Variants in LRRFIP2 observed in about 807,000 individuals in gnomAD.
LRRFIP2 encodes LRR binding FLII interacting protein 2.
A neutral mutation model predicts 125.9 loss-of-function variants in LRRFIP2; 109 were observed. The observed-to-expected ratio is 0.87, with a 90% CI of 0.74 to 1.01. The LOEUF is 1.01. LRRFIP2 is among the 50% of genes least tolerant of loss of function. The pLI, the probability that LRRFIP2 is intolerant of heterozygous loss-of-function variation, is 0.00. For synonymous variants in LRRFIP2, 291 were observed against 293.1 expected (o/e 0.99, Z 0.07); for missense variants, 850 against 862.3 (o/e 0.99, Z 0.18).
At chr3:37,152,852 T>G (rs1481272066) in intron 1 of LRRFIP2, among the ~76,000 whole-genome samples, 1 of 152,228 alleles carries the variant, frequency 6.6e-6, no homozygotes, top group African/African-American at 2.4e-5. Context: ...ATTTAGTGAA[T>G]GCACTATGGT....
Position 37,149,041 on chromosome 3 carries a change from G to C in LRRFIP2, c.-55-3C>G. Reference sequence around the variant, plus strand: ...GTGATTTAACTGTGTTTTCAGCCCTGAAGTAAACAAAAACATAATAACTTA... The same window carrying C: ...GTGATTTAACTGTGTTTTCAGCCCTCAAGTAAACAAAAACATAATAACTTA... On this transcript the variant is annotated splice_region_variant and splice_polypyrimidine_tract_variant and intron_variant, in intron 1 of 27. Coordinates refer to ENST00000336686, the MANE Select transcript of LRRFIP2 (RefSeq NM_006309.4). The C allele has an allele frequency of 6.3e-7, 1 of 1,593,710 alleles. No homozygotes were observed. The highest frequency in any genetic ancestry group is 8.5e-7 in the Non-Finnish European group (1 of 1,171,632).
intron 21 of LRRFIP2, among the ~76,000 whole-genome samples, chr3:37,072,395 G>A (rs1274140422): frequency 4.0e-5 from 6 of 151,574 alleles, no homozygotes; most frequent in East Asian, 3.9e-4. Flanking sequence ...CCAGCTACTC[G>A]GGAGGCTGAG....
intron 16 of LRRFIP2, among the ~76,000 whole-genome samples, chr3:37,096,281 T>C (rs112869079): frequency 1.9e-4 from 29 of 152,204 alleles, no homozygotes; most frequent in African/African-American, 6.7e-4. Context: ...AAGGAAAAAA[T>C]ATCTCAGAGT....
Position 37,127,621 on chromosome 3 carries a change from C to A in LRRFIP2, c.228+9G>T. 6.2e-7 allele frequency: 1 copy of A among 1,613,012 alleles called. No homozygotes were observed. The highest frequency in any genetic ancestry group is 1.3e-5 in the African/African-American group (1 of 75,028). ...ATCACAACATGCAGGACAGGCAATA[C>A]TGGCCTACCAGCCACTTCTGAATCT... On this transcript the variant is annotated intron_variant, in intron 4 of 27. Coordinates refer to ENST00000336686, the MANE Select transcript of LRRFIP2 (RefSeq NM_006309.4).
intron 25 of LRRFIP2, among the ~76,000 whole-genome samples, chr3:37,055,436 C>T (rs575593211): frequency 1.3e-5 from 2 of 152,208 alleles, no homozygotes; most frequent in Admixed American, 6.5e-5. Context: ...CGTGGTGGCA[C>T]AGGCCTGTAG....
intron 4 of LRRFIP2, among the ~76,000 whole-genome samples, chr3:37,123,262 C>A (rs1327477077): frequency 6.6e-6 from 1 of 152,206 alleles, no homozygotes; most frequent in Non-Finnish European, 1.5e-5. Flanking sequence ...GACCTCAGTT[C>A]ATGGCAACCT....
intron 19 of LRRFIP2, among the ~76,000 whole-genome samples, chr3:37,080,155 T>A (rs2092502100): frequency 6.6e-6 from 1 of 152,224 alleles, no homozygotes; most frequent in East Asian, 1.9e-4. Flanking sequence ...ATCCCAGCAC[T>A]TTGGGAGGCC....
In LRRFIP2 at chr3:37,105,478, T is replaced by TGGA. The variant is rs2094272855; in HGVS notation, c.759_760insTCC (p.Ser254dup). Reference sequence around the variant, plus strand: ...ACCACACTCTCCCTTCGTCCACGACTGGCACGATCAGAAGACACAATGCTT... The same window carrying TGGA: ...ACCACACTCTCCCTTCGTCCACGACTGGAGGCACGATCAGAAGACACAATGCTT... On this transcript the variant is annotated inframe_insertion, in exon 14 of 28. Transcript: ENST00000336686. The TGGA allele has an allele frequency of 6.2e-7, 1 of 1,614,024 alleles. No homozygotes were observed. The highest frequency in any genetic ancestry group is 2.2e-5 in the East Asian group (1 of 44,842).
At position 37,053,957 on chromosome 3, in the gene LRRFIP2, C is replaced by T. The variant is rs750338164; in HGVS notation, c.2060G>A (p.Arg687Gln). 46 of 1,594,618 alleles carry T rather than the reference C, an allele frequency of 2.9e-5. No individual in the cohort carries two copies. In the East Asian group the frequency reaches 5.8e-4, roughly 20 times the overall value. ...CTCCTCAATCTTGTCCAGTGCTGTT[C>T]GTAACTGGAGACAGGGAGAATGCAG... ...AEKRKLQREL[R>Q]TALDKIEEME... The change falls in exon 28 of 28, where the codon CGA (arginine) becomes CAA (glutamine). Residue 687 changes from arginine (R) to glutamine (Q), a missense_variant. Arg to Gln is a conservative substitution (Grantham distance 43). Transcript: ENST00000336686.
intron 8 of LRRFIP2, among the ~76,000 whole-genome samples, chr3:37,112,379 AG>A (rs1390502500): frequency 6.6e-6 from 1 of 152,036 alleles, no homozygotes; most frequent in African/African-American, 2.4e-5. Flanking sequence ...AAAAGAAAAA[AG>A]AAGTGTTGTT....
At chr3:37,127,017 G>A (rs915062778) in intron 4 of LRRFIP2, among the ~76,000 whole-genome samples, 1 of 152,116 alleles carries the variant, frequency 6.6e-6, no homozygotes, top group African/African-American at 2.4e-5. Flanking sequence ...TTGAAAGTCT[G>A]CAGTAGAATT....
At chr3:37,108,745 T>G (rs543597703) in intron 11 of LRRFIP2, 61 bp from the exon 12 acceptor site, 1 of 1,410,254 alleles carries the variant, frequency 7.1e-7, no homozygotes, top group African/African-American at 1.4e-5. Context: ...GAAAATGACT[T>G]AATGTTTTCA....
At chr3:37,123,315 C>T (rs2095142115) in intron 4 of LRRFIP2, among the ~76,000 whole-genome samples, 1 of 152,142 alleles carries the variant, frequency 6.6e-6, no homozygotes, top group African/African-American at 2.4e-5. Context: ...TGGCCCCCTA[C>T]TAAGTAGCTG....
intron 1 of LRRFIP2, among the ~76,000 whole-genome samples, chr3:37,157,418 G>A (rs1411549783): frequency 1.3e-5 from 2 of 152,098 alleles, no homozygotes; most frequent in African/African-American, 4.8e-5. Flanking sequence ...ACTCCAGCCT[G>A]GATGACAGAG....
chr3:37,075,478 AC>A (rs2091893346), intron 19 of LRRFIP2, among the ~76,000 whole-genome samples: 1 of 152,184 alleles, frequency 6.6e-6, no homozygotes, highest in African/African-American at 2.4e-5. Flanking sequence ...TAAATAAAAA[AC>A]ATACATGTAA....
chr3:37,149,104 A>C, intron 1 of LRRFIP2, 66 bp from the exon 2 acceptor site: 1 of 1,349,494 alleles, frequency 7.4e-7, no homozygotes, highest in Non-Finnish European at 9.9e-7. Flanking sequence ...TCATTTATAT[A>C]TTCACTTTTA....
At chr3:37,068,805 C>A (rs866888313) in intron 21 of LRRFIP2, 11 of 152,126 alleles carry the variant, frequency 7.2e-5, no homozygotes, top group South Asian at 4.1e-4. Context: ...GAACAAATAT[C>A]TTTGGTCAGA....
intron 18 of LRRFIP2, among the ~76,000 whole-genome samples, chr3:37,090,956 G>A (rs1181283320): frequency 6.6e-6 from 1 of 152,270 alleles, no homozygotes. Context: ...TTTTCATTTA[G>A]CGTGGAAGAA....
intron 1 of LRRFIP2, among the ~76,000 whole-genome samples, chr3:37,155,141 A>C (rs1348318923): frequency 6.6e-6 from 1 of 152,148 alleles, no homozygotes; most frequent in South Asian, 2.1e-4. Flanking sequence ...TACCCTCCCC[A>C]CTTTCTAAGC....
Sources: gnomAD v4.1 joint callset for allele counts (sites outside exome capture counted in the v4.1 genomes callset) on GRCh38, gnomAD v4.1.1 for gene constraint, MANE v1.5 for transcripts, NCBI Gene and HGNC (gene_info 2026-07-23, HGNC 2026-07-21) for gene names.